Variants in CAPN8 observed in about 807,000 individuals in gnomAD.
CAPN8 encodes the protein calpain-8.
A neutral mutation model predicts 80.9 loss-of-function variants in CAPN8; 87 were observed. The observed-to-expected ratio is 1.07, with a 90% CI of 0.90 to 1.28. CAPN8 has a LOEUF of 1.28. Ranked by LOEUF, CAPN8 falls within the 50% of genes most tolerant of loss-of-function variation. The pLI is 0.00. For missense variants in CAPN8, 757 were observed against 702.0 expected (o/e 1.08, Z -0.89); for synonymous variants, 299 against 273.8 (o/e 1.09, Z -0.91).
chr1:223,637,091 A>G (rs972804221), intron 2 of CAPN8, among the ~76,000 whole-genome samples: 1 of 152,146 alleles, frequency 6.6e-6, no homozygotes, highest in Non-Finnish European at 1.5e-5. Context: ...CGCGTATATC[A>G]TGGTTAGACT....
chr1:223,645,786 C>T (rs1293085388), intron 2 of CAPN8, among the ~76,000 whole-genome samples: 1 of 152,188 alleles, frequency 6.6e-6, no homozygotes, highest in Non-Finnish European at 1.5e-5. Flanking sequence ...AGCCTGGGAA[C>T]ACATCCCAGG....
chr1:223,633,124 T>C (rs540572698), intron 2 of CAPN8, among the ~76,000 whole-genome samples: 26 of 152,314 alleles, frequency 1.7e-4, no homozygotes, highest in Non-Finnish European at 2.9e-4. Context: ...GTTTTCTTAT[T>C]ATAAAAGAAG....
At chr1:223,615,777 G>A (rs941807530) in intron 10 of CAPN8, 193 bp downstream of exon 10, 7 of 713,216 alleles carry the variant, frequency 9.8e-6, no homozygotes, top group Non-Finnish European at 1.8e-5. Context: ...AGAGACTTAA[G>A]CCATAGGAAT....
chr1:223,543,173 C>T lies in CAPN8; in HGVS notation c.2030-7G>A. 6.4e-7 allele frequency: 1 copy of T among 1,551,582 alleles called. No homozygotes were observed. Among genetic ancestry groups the T allele is most frequent in the Non-Finnish European group, 8.7e-7 (1 of 1,146,902 alleles). Reference sequence around the variant, plus strand: ...TCCAGAAGGCTGAATAGTTCTAAAACACCAGAGAAGGAAATGAAATTAGAT... The same window carrying T: ...TCCAGAAGGCTGAATAGTTCTAAAATACCAGAGAAGGAAATGAAATTAGAT... On this transcript the variant is annotated splice_polypyrimidine_tract_variant and splice_region_variant and intron_variant, in intron 19 of 20. Transcript: ENST00000366872.
At chr1:223,632,802 C>A (rs1189982701) in intron 2 of CAPN8, among the ~76,000 whole-genome samples, 1 of 152,218 alleles carries the variant, frequency 6.6e-6, no homozygotes, top group African/African-American at 2.4e-5. Flanking sequence ...CGAGCTAGGG[C>A]TGCTCAGGAG....
At chr1:223,612,330 C>T in intron 10 of CAPN8, 73 bp from the exon 11 acceptor site, 1 of 1,216,390 alleles carries the variant, frequency 8.2e-7, no homozygotes, top group Non-Finnish European at 1.0e-6. Flanking sequence ...TCCTCTCTCC[C>T]TATGTCTTGC....
At chr1:223,621,981 C>CT (rs1297349383) in intron 7 of CAPN8, among the ~76,000 whole-genome samples, 2 of 151,870 alleles carry the variant, frequency 1.3e-5, no homozygotes, top group Non-Finnish European at 2.9e-5. Flanking sequence ...AATTTTTGTA[C>CT]TTTTAGTAGA....
intron 9 of CAPN8, among the ~76,000 whole-genome samples, 198 bp downstream of exon 9, chr1:223,619,095 G>A (rs937644746): frequency 3.3e-5 from 5 of 152,192 alleles, no homozygotes; most frequent in Admixed American, 2.6e-4. Context: ...TAAGAAGGCT[G>A]AGGTGAGAGG....
chr1:223,631,225 T>C (rs1394427802), intron 2 of CAPN8, among the ~76,000 whole-genome samples: 1 of 152,200 alleles, frequency 6.6e-6, no homozygotes, highest in East Asian at 1.9e-4. Context: ...CTTTCTCTGA[T>C]ACCGCCTACC....
At chr1:223,622,049 A>C (rs944805509) in intron 7 of CAPN8, among the ~76,000 whole-genome samples, 15 of 151,858 alleles carry the variant, frequency 9.9e-5, no homozygotes, top group Admixed American at 5.3e-4. Context: ...CAAGTGATCC[A>C]CCCGCCTAGG....
intron 7 of CAPN8, 158 bp downstream of exon 7, chr1:223,622,657 C>A: frequency 1.6e-6 from 1 of 637,168 alleles, no homozygotes; most frequent in Non-Finnish European, 2.8e-6. Flanking sequence ...TTTTCCCAGC[C>A]TGGATCCATT....
chr1:223,620,802 A>G (rs558295329), intron 7 of CAPN8, among the ~76,000 whole-genome samples: 2 of 152,268 alleles, frequency 1.3e-5, no homozygotes, highest in African/African-American at 4.8e-5. Context: ...GCAATTTCCC[A>G]GAAGAAACGT....
intron 11 of CAPN8, among the ~76,000 whole-genome samples, chr1:223,609,782 T>C: frequency 6.6e-6 from 1 of 152,318 alleles, no homozygotes; most frequent in South Asian, 2.1e-4. Flanking sequence ...TAAATCCTAG[T>C]CCTCAAGCAA....
intron 6 of CAPN8, among the ~76,000 whole-genome samples, chr1:223,623,998 GA>G (rs71702521): frequency 5.7e-4 from 76 of 132,182 alleles, no homozygotes; most frequent in East Asian, 1.1e-3. Flanking sequence ...GACTCCACCT[GA>G]AAAAAAAAAA....
intron 2 of CAPN8, among the ~76,000 whole-genome samples, chr1:223,635,217 T>C (rs1657884003): frequency 6.6e-6 from 1 of 152,208 alleles, no homozygotes; most frequent in Non-Finnish European, 1.5e-5. Context: ...AGGGAGCTAT[T>C]TCAGCTCTGT....
At chr1:223,638,412 G>T (rs1045792747) in intron 2 of CAPN8, among the ~76,000 whole-genome samples, 5 of 151,968 alleles carry the variant, frequency 3.3e-5, no homozygotes, top group Admixed American at 6.6e-5. Flanking sequence ...AGGACATCAG[G>T]ATATAAAAGA....
At chr1:223,628,830 GC>G in intron 2 of CAPN8, 50 bp from the exon 3 acceptor site, 1 of 1,439,796 alleles carries the variant, frequency 6.9e-7, no homozygotes, top group Non-Finnish European at 9.5e-7. Context: ...GCCTGCAGGG[GC>G]CCTGCTTTCT....
intron 2 of CAPN8, 41 bp from the exon 3 acceptor site, chr1:223,628,821 C>T: frequency 6.8e-7 from 1 of 1,472,254 alleles, no homozygotes; most frequent in Non-Finnish European, 9.3e-7. Context: ...TCAGGCCCAG[C>T]CTGCAGGGGC....
intron 2 of CAPN8, among the ~76,000 whole-genome samples, chr1:223,653,727 T>G: frequency 6.6e-6 from 1 of 152,194 alleles, no homozygotes; most frequent in East Asian, 1.9e-4. Flanking sequence ...AAAGCTCATC[T>G]GCCACCAAGG....
Sources: gnomAD v4.1 joint callset for allele counts (sites outside exome capture counted in the v4.1 genomes callset) on GRCh38, gnomAD v4.1.1 for gene constraint, MANE v1.5 for transcripts, NCBI Gene and HGNC (gene_info 2026-07-23, HGNC 2026-07-21) for gene names.